SGCZ: variants seen among roughly 807,000 people sequenced by gnomAD.
The protein encoded by SGCZ is zeta-sarcoglycan.
Under a neutral mutation model 41.3 loss-of-function variants are expected in SGCZ, and 40 were observed. The ratio of observed to expected loss-of-function variants is 0.97; its 90% CI spans 0.75 to 1.26. The LOEUF (loss-of-function observed/expected upper bound fraction) is 1.26, where lower values mean the gene tolerates loss of function less well. Among genes scored for constraint, SGCZ ranks in the 50% most tolerant of loss-of-function variants. SGCZ has a pLI of 0.00. For synonymous variants in SGCZ, 206 were observed against 137.5 expected, an observed-to-expected ratio of 1.50 and a Z score of -3.49; for missense variants, 552 against 369.8, an observed-to-expected ratio of 1.49 and a Z score of -4.04.
chr8:14,326,988 T>C (rs1191530038), intron 2 of SGCZ, among the ~76,000 whole-genome samples: 1 of 142,426 alleles, frequency 7.0e-6, no homozygotes, highest in East Asian at 2.0e-4. Context: ...ATTCTTAAAG[T>C]GGCAAAAAAA....
chr8:14,223,606 G>A (rs1806277628), intron 4 of SGCZ, among the ~76,000 whole-genome samples: 1 of 152,006 alleles, frequency 6.6e-6, no homozygotes, highest in Non-Finnish European at 1.5e-5. Context: ...AAACTTCAAT[G>A]TCCTGTCAGT....
intron 1 of SGCZ, among the ~76,000 whole-genome samples, chr8:14,859,615 C>T (rs577470948): frequency 1.3e-5 from 2 of 152,168 alleles, no homozygotes; most frequent in African/African-American, 2.4e-5. Context: ...AAACTCATCG[C>T]TAATATGCTC....
At chr8:14,798,432 T>C (rs1346508970) in intron 1 of SGCZ, among the ~76,000 whole-genome samples, 1 of 152,194 alleles carries the variant, frequency 6.6e-6, no homozygotes, top group East Asian at 1.9e-4. Context: ...GGAAGTACAC[T>C]GGTTTATCAA....
chr8:14,976,133 T>C (rs1479647190), intron 1 of SGCZ, among the ~76,000 whole-genome samples: 1 of 151,476 alleles, frequency 6.6e-6, no homozygotes, highest in Non-Finnish European at 1.5e-5. Context: ...AGCGATTCTC[T>C]CGCCCCAGCC....
At chr8:14,412,393 A>G (rs1799384665) in intron 2 of SGCZ, among the ~76,000 whole-genome samples, 1 of 152,116 alleles carries the variant, frequency 6.6e-6, no homozygotes, top group Non-Finnish European at 1.5e-5. Flanking sequence ...CCTTTAGATC[A>G]CTGGGTATGC....
chr8:14,367,937 TA>T (rs1385269382), intron 2 of SGCZ, among the ~76,000 whole-genome samples: 1 of 152,106 alleles, frequency 6.6e-6, no homozygotes, highest in Non-Finnish European at 1.5e-5. Flanking sequence ...AATGGAATGA[TA>T]AATCCCTGAA....
chr8:14,692,685 A>G (rs1051325780), intron 1 of SGCZ, among the ~76,000 whole-genome samples: 27 of 152,202 alleles, frequency 1.8e-4, no homozygotes, highest in African/African-American at 6.5e-4. Flanking sequence ...GACCAACTGA[A>G]CATAACCTGC....
chr8:14,240,132 G>A (rs545025364), intron 3 of SGCZ, among the ~76,000 whole-genome samples: 7 of 151,544 alleles, frequency 4.6e-5, no homozygotes, highest in Admixed American at 3.3e-4. Flanking sequence ...TTTGAAACCA[G>A]CCTGGCCAAC....
At chr8:14,818,657 A>G (rs945834610) in intron 1 of SGCZ, among the ~76,000 whole-genome samples, 6 of 152,168 alleles carry the variant, frequency 3.9e-5, no homozygotes, top group Non-Finnish European at 8.8e-5. Flanking sequence ...ATGAGATACA[A>G]AGGAACACAA....
chr8:14,687,605 T>C (rs1415913467), intron 1 of SGCZ, among the ~76,000 whole-genome samples: 3 of 151,948 alleles, frequency 2.0e-5, no homozygotes, highest in Non-Finnish European at 4.4e-5. Flanking sequence ...TGTTGGACAT[T>C]TGGCTTGGTT....
chr8:14,345,572 G>T (rs1802865586), intron 2 of SGCZ, among the ~76,000 whole-genome samples: 1 of 152,102 alleles, frequency 6.6e-6, no homozygotes, highest in Non-Finnish European at 1.5e-5. Flanking sequence ...TCTCCATTGG[G>T]TTTAGAAGCT....
At chr8:14,940,436 T>A (rs140554019) in intron 1 of SGCZ, among the ~76,000 whole-genome samples, 4 of 152,144 alleles carry the variant, frequency 2.6e-5, no homozygotes, top group Non-Finnish European at 5.9e-5. Context: ...ACTCAAATTA[T>A]ATCAACATGC....
intron 1 of SGCZ, among the ~76,000 whole-genome samples, chr8:14,824,357 T>G (rs1802217410): frequency 6.6e-6 from 1 of 152,152 alleles, no homozygotes; most frequent in African/African-American, 2.4e-5. Flanking sequence ...CAAATTATAC[T>G]CCATAAATAT....
chr8:14,256,111 C>G (rs1338499262), intron 3 of SGCZ, among the ~76,000 whole-genome samples: 4 of 152,070 alleles, frequency 2.6e-5, no homozygotes, highest in African/African-American at 9.7e-5. Context: ...TTAGGAAAAG[C>G]TGGGATACTT....
intron 1 of SGCZ, among the ~76,000 whole-genome samples, chr8:15,088,304 G>T (rs1350852696): frequency 6.6e-6 from 1 of 152,040 alleles, no homozygotes; most frequent in East Asian, 1.9e-4. Context: ...GTCCTTTAAA[G>T]GAAGTTGTCT....
chr8:14,948,248 G>C (rs1338398429), intron 1 of SGCZ, among the ~76,000 whole-genome samples: 1 of 152,134 alleles, frequency 6.6e-6, no homozygotes, highest in Non-Finnish European at 1.5e-5. Context: ...AGTTGAAACA[G>C]AAACTGTCAA....
chr8:14,233,312 TGCTG>T (rs1459762814), intron 4 of SGCZ, among the ~76,000 whole-genome samples: 1 of 151,874 alleles, frequency 6.6e-6, no homozygotes, highest in African/African-American at 2.4e-5. Flanking sequence ...ATAACAGCCA[TGCTG>T]GCTAAGTTTT....
At chr8:14,519,897 G>C (rs1055038550) in intron 2 of SGCZ, among the ~76,000 whole-genome samples, 2 of 151,986 alleles carry the variant, frequency 1.3e-5, no homozygotes, top group Admixed American at 6.6e-5. Context: ...TTAACCTCTG[G>C]TAGAGTGGTT....
At chr8:15,115,991 T>C (rs1807255260) in intron 1 of SGCZ, among the ~76,000 whole-genome samples, 1 of 152,198 alleles carries the variant, frequency 6.6e-6, no homozygotes. Flanking sequence ...AGCCATATGG[T>C]CTTTATTGCA....
Sources: gnomAD v4.1 joint callset for allele counts (sites outside exome capture counted in the v4.1 genomes callset) on GRCh38, gnomAD v4.1.1 for gene constraint, MANE v1.5 for transcripts, NCBI Gene and HGNC (gene_info 2026-07-23, HGNC 2026-07-21) for gene names.